The following MLLT3 variants were observed in gnomAD, a reference collection of about 807,000 sequenced individuals.
MLLT3 encodes the protein MLLT3 super elongation complex subunit.
Under a neutral mutation model 53.2 loss-of-function variants are expected in MLLT3, and 4 were observed. The observed-to-expected ratio is 0.08, with a 90% confidence interval of 0.04 to 0.17. MLLT3 has a LOEUF of 0.17. Ranked by LOEUF, MLLT3 falls within the 10% of genes least tolerant of loss-of-function variation. MLLT3 has a pLI of 1.00. For missense variants in MLLT3, 569 were observed against 684.0 expected (o/e 0.83, Z 1.87); for synonymous variants, 283 against 230.6 (o/e 1.23, Z -2.06).
At chr9:20,465,302 T>C (rs940205568) in intron 2 of MLLT3, among the ~76,000 whole-genome samples, 2 of 152,174 alleles carry the variant, frequency 1.3e-5, no homozygotes, top group Admixed American at 6.5e-5. Context: ...CTCAAACGTA[T>C]ATTCACCTTA....
At chr9:20,517,692 C>T (rs544494623) in intron 2 of MLLT3, among the ~76,000 whole-genome samples, 48 of 151,812 alleles carry the variant, frequency 3.2e-4, no homozygotes, top group Admixed American at 1.0e-3. Flanking sequence ...CAAAATAAGC[C>T]GGGTGTGCTG....
At chr9:20,595,475 T>C (rs1820239065) in intron 2 of MLLT3, among the ~76,000 whole-genome samples, 1 of 152,130 alleles carries the variant, frequency 6.6e-6, no homozygotes, top group Non-Finnish European at 1.5e-5. Flanking sequence ...AAGTTATCCA[T>C]AAAATCAGAC....
chr9:20,514,230 G>A (rs1373821590), intron 2 of MLLT3, among the ~76,000 whole-genome samples: 9 of 152,266 alleles, frequency 5.9e-5, no homozygotes, highest in African/African-American at 2.2e-4. Flanking sequence ...GAAACAGTGG[G>A]TTCAGGAAGA....
chr9:20,460,864 T>C (rs1025252696), intron 2 of MLLT3, among the ~76,000 whole-genome samples: 6 of 152,200 alleles, frequency 3.9e-5, no homozygotes, highest in African/African-American at 1.4e-4. Flanking sequence ...GCACAGGTGA[T>C]AGAAAAGTGT....
intron 8 of MLLT3, among the ~76,000 whole-genome samples, chr9:20,355,095 T>TAAAAAAAAAAAAAAA (rs531598773): frequency 2.2e-4 from 14 of 64,096 alleles, no homozygotes; most frequent in Non-Finnish European, 2.0e-4. Flanking sequence ...AAAGTAGAAC[T>TAAAAAAAAAAAAAAA]AAAAAAAAAA....
intron 2 of MLLT3, among the ~76,000 whole-genome samples, chr9:20,592,288 G>T (rs766678735): frequency 6.6e-6 from 1 of 152,160 alleles, no homozygotes; most frequent in Non-Finnish European, 1.5e-5. Flanking sequence ...CACTAGAGCT[G>T]CTATAACAAA....
At chr9:20,546,585 T>G (rs976592902) in intron 2 of MLLT3, among the ~76,000 whole-genome samples, 2 of 151,882 alleles carry the variant, frequency 1.3e-5, no homozygotes, top group East Asian at 3.9e-4. Flanking sequence ...TAGACGAACC[T>G]GTGTATGGTA....
At chr9:20,564,304 T>C (rs543387254) in intron 2 of MLLT3, among the ~76,000 whole-genome samples, 1 of 151,706 alleles carries the variant, frequency 6.6e-6, no homozygotes, top group Non-Finnish European at 1.5e-5. Context: ...TTTCATGCAC[T>C]TGAAATTCTT....
At chr9:20,577,500 G>A (rs186863453) in intron 2 of MLLT3, among the ~76,000 whole-genome samples, 1 of 152,230 alleles carries the variant, frequency 6.6e-6, no homozygotes, top group Admixed American at 6.5e-5. Context: ...CAACATCTCT[G>A]TGAAATTCTC....
chr9:20,464,788 C>T (rs1445307655), intron 2 of MLLT3, among the ~76,000 whole-genome samples: 1 of 152,060 alleles, frequency 6.6e-6, no homozygotes, highest in Non-Finnish European at 1.5e-5. Flanking sequence ...TAGCCCCTTA[C>T]CTGATTTCTT....
At chr9:20,527,821 T>G (rs1818240847) in intron 2 of MLLT3, among the ~76,000 whole-genome samples, 1 of 152,206 alleles carries the variant, frequency 6.6e-6, no homozygotes, top group Non-Finnish European at 1.5e-5. Flanking sequence ...CTTGCTGAAG[T>G]GCCACAATTC....
At chr9:20,450,649 G>A (rs572351397) in intron 3 of MLLT3, among the ~76,000 whole-genome samples, 98 of 152,240 alleles carry the variant, frequency 6.4e-4, no homozygotes, top group African/African-American at 2.3e-3. Context: ...CCTAGTTAAT[G>A]CAAACTCATT....
At chr9:20,389,963 G>T (rs962906456) in intron 5 of MLLT3, among the ~76,000 whole-genome samples, 4 of 152,048 alleles carry the variant, frequency 2.6e-5, no homozygotes, top group Admixed American at 2.6e-4. Flanking sequence ...TATTTTAAAA[G>T]GTTAAAATGT....
intron 2 of MLLT3, among the ~76,000 whole-genome samples, chr9:20,607,469 TCAG>T (rs1820599295): frequency 6.6e-6 from 1 of 152,102 alleles, no homozygotes; most frequent in Admixed American, 6.6e-5. Flanking sequence ...CAGAAATTTG[TCAG>T]CAGAACTAAA....
At chr9:20,569,308 G>C (rs192388596) in intron 2 of MLLT3, among the ~76,000 whole-genome samples, 1 of 152,220 alleles carries the variant, frequency 6.6e-6, no homozygotes, top group Non-Finnish European at 1.5e-5. Context: ...CAGGTAACCT[G>C]CTCCAGATAC....
At chr9:20,357,981 G>GCACACACACACACACA (rs3222132) in intron 8 of MLLT3, among the ~76,000 whole-genome samples, 1 of 139,342 alleles carries the variant, frequency 7.2e-6, no homozygotes, top group South Asian at 2.4e-4. Flanking sequence ...TCCCTCCTGC[G>GCACACACACACACACA]CACACACACA....
At chr9:20,416,294 G>A (rs1427810257) in intron 4 of MLLT3, among the ~76,000 whole-genome samples, 1 of 151,658 alleles carries the variant, frequency 6.6e-6, no homozygotes, top group Non-Finnish European at 1.5e-5. Context: ...GAATACTCAA[G>A]TATCACTGTT....
intron 2 of MLLT3, among the ~76,000 whole-genome samples, chr9:20,581,883 A>G (rs1016754497): frequency 1.3e-5 from 2 of 152,148 alleles, no homozygotes; most frequent in African/African-American, 4.8e-5. Flanking sequence ...AAGGAGAGCA[A>G]CCCTCTCTCA....
chr9:20,427,822 C>G (rs543212498), intron 4 of MLLT3, among the ~76,000 whole-genome samples: 193 of 151,860 alleles, frequency 1.3e-3, no homozygotes, highest in African/African-American at 4.5e-3. Context: ...AGTAAATGCA[C>G]TGTATAAATT....
Sources: gnomAD v4.1 joint callset for allele counts (sites outside exome capture counted in the v4.1 genomes callset) on GRCh38, gnomAD v4.1.1 for gene constraint, MANE v1.5 for transcripts, NCBI Gene and HGNC (gene_info 2026-07-23, HGNC 2026-07-21) for gene names.